The following ACTR1B variants were observed in gnomAD, a reference collection of about 807,000 sequenced individuals.
The protein encoded by ACTR1B is actin related protein 1B, also known as beta-centractin.
Under a neutral mutation model 49.4 loss-of-function variants are expected in ACTR1B, and 34 were observed. The observed-to-expected ratio is 0.69, with a 90% CI of 0.52 to 0.92. The LOEUF is 0.92. Ranked by LOEUF, ACTR1B falls within the 40% of genes least tolerant of loss-of-function variation. The pLI, the probability that ACTR1B is intolerant of heterozygous loss-of-function variation, is 0.00. For missense variants in ACTR1B, 471 were observed against 522.4 expected (o/e 0.90, Z 0.96); for synonymous variants, 207 against 207.8 (o/e 1.00, Z 0.03).
In ACTR1B at chr2:97,659,445, G is replaced by C. The variant is rs1039524480; in HGVS notation, c.222C>G (p.Pro74=). 1 of 1,613,838 alleles carries C rather than the reference G, an allele frequency of 6.2e-7. No individual in the cohort carries two copies. Among genetic ancestry groups the C allele is most frequent in the Non-Finnish European group, 8.5e-7 (1 of 1,179,990 alleles). Residue 74 remains proline (P), a synonymous_variant, in exon 4 of 11, where the codon CCC becomes CCG. Transcript: ENST00000289228. The surrounding 1 kb of genome is among the most constrained non-coding windows in gnomAD (Gnocchi z 4.0). ...EHRGLLTIRY[P]MEHGVVRDWN... is the part of the protein sequence containing the mutation. Reference sequence around the variant, plus strand: ...AGTCTCGCACCACGCCGTGCTCCATGGGGTAGCGGATGGTCAGCAGCCCCC... The same window carrying C: ...AGTCTCGCACCACGCCGTGCTCCATCGGGTAGCGGATGGTCAGCAGCCCCC...
At chr2:97,662,693 G>A (rs1329625297) in intron 1 of ACTR1B, among the ~76,000 whole-genome samples, 1 of 152,196 alleles carries the variant, frequency 6.6e-6, no homozygotes, top group African/African-American at 2.4e-5. Context: ...AACCCTCTGA[G>A]TCTGCAGCAG....
intron 1 of ACTR1B, among the ~76,000 whole-genome samples, chr2:97,662,724 C>T (rs1425502845): frequency 6.6e-6 from 1 of 152,220 alleles, no homozygotes; most frequent in African/African-American, 2.4e-5. Flanking sequence ...CTCCAAGTTA[C>T]AGAGGAGGGG....
Position 97,661,864 on chromosome 2 carries a change from T to C in ACTR1B, c.113+18A>G, listed in dbSNP as rs1273813465. ...AGGTAAACAAAAGGACTAAGGCTGC[T>C]GCCTGAGCCACACTTACTAGTTTGG... On this transcript the variant is annotated intron_variant, in intron 2 of 10. Coordinates refer to ENST00000289228, the MANE Select transcript of ACTR1B (RefSeq NM_005735.4). 1 of 1,578,396 alleles carries C rather than the reference T, an allele frequency of 6.3e-7. No homozygotes were observed. Among genetic ancestry groups the C allele is most frequent in the Non-Finnish European group, 8.6e-7 (1 of 1,159,592 alleles).
chr2:97,663,896 G>A lies in ACTR1B; in HGVS notation c.-6C>T, dbSNP rs770396516. On this transcript the variant is annotated 5_prime_UTR_variant, in exon 1 of 11. Transcript: ENST00000289228. ...ATGATGTCGTAGGACTCCATGGCCG[G>A]GCCGCGCCGGCCCTGCCCAGCAGGC... The A allele has an allele frequency of 2.0e-5, 28 of 1,396,850 alleles. No individual in the cohort carries two copies. Among genetic ancestry groups the A allele is most frequent in the Non-Finnish European group, 2.5e-5 (26 of 1,060,374 alleles). 86.5% of individuals were successfully genotyped at this position (1,396,850 alleles called of 1,614,324 possible).
chr2:97,657,916 C>A (rs754426761), intron 8 of ACTR1B, 27 bp downstream of exon 8: 6 of 1,609,766 alleles, frequency 3.7e-6, no homozygotes, highest in Non-Finnish European at 4.2e-6. Context: ...CCTCGTCTCA[C>A]CACCACCAAC....
rs1675016219 is a variant in ACTR1B at position 97,661,809 on chromosome 2, C to T, written c.113+73G>A. ...AGGGCACAAATTGTCTTCAAAGAGC[C>T]CTGTGACAGAAGGCCAATGTTCTTA... On this transcript the variant is annotated intron_variant, in intron 2 of 10. Coordinates refer to ENST00000289228, the MANE Select transcript of ACTR1B (RefSeq NM_005735.4). 4.8e-6 allele frequency: 7 copies of T among 1,462,284 alleles called. No homozygotes were observed. The Admixed American group carries it at 1.4e-4, about 29-fold the overall frequency. The allele number at this position is 1,462,284 out of a possible 1,614,324, so 90.6% of individuals were successfully genotyped here. A position where few individuals can be genotyped will look rare whatever the true frequency, so the allele number is the denominator to read the frequency against.
rs1400465751 is a variant in ACTR1B, at chr2:97,659,831, T to C, written c.190-354A>G. 2 of 336,712 alleles carry C rather than the reference T, an allele frequency of 5.9e-6. No individual in the cohort carries two copies. The highest frequency in any genetic ancestry group is 2.1e-5 in the African/African-American group (1 of 46,730). The allele number at this position is 336,712 out of a possible 1,614,324, so 20.9% of individuals were successfully genotyped here. A position where few individuals can be genotyped will look rare whatever the true frequency, so the allele number is the denominator to read the frequency against. ...CTCCCCTCTGGCCAGCGCCGGCACC[T>C]TGCAGCCGCCCAACACGGCCCCTCC... On this transcript the variant is annotated intron_variant, in intron 3 of 10. Transcript: ENST00000289228. This position sits in a 1 kb window ranked among gnomAD's most constrained non-coding sequence, Gnocchi z 4.0.
rs1674987908 is a variant in ACTR1B, at chr2:97,660,659, A to G, written c.114-13T>C. On this transcript the variant is annotated splice_polypyrimidine_tract_variant and intron_variant, in intron 2 of 10. Transcript: ENST00000289228. ...CGGCCGCCCGACACTGTTAGGACGG[A>G]TAACGTCAGCAAGGTGGGCAGGGAG... 1 of 1,613,268 alleles carries G rather than the reference A, an allele frequency of 6.2e-7. No individual in the cohort carries two copies. Among genetic ancestry groups the G allele is most frequent in the African/African-American group, 1.3e-5 (1 of 74,922 alleles).
intron 1 of ACTR1B, 42 bp downstream of exon 1, chr2:97,663,801 G>A (rs1320516056): frequency 1.5e-6 from 2 of 1,319,374 alleles, no homozygotes; most frequent in South Asian, 1.6e-5. Flanking sequence ...GTGCGCCCCC[G>A]GGGGCGGGGC....
chr2:97,657,310 T>A (rs1472812082), intron 9 of ACTR1B, 118 bp from the exon 10 acceptor site: 1 of 1,503,326 alleles, frequency 6.7e-7, no homozygotes, highest in African/African-American at 1.4e-5. Flanking sequence ...AGCTGGGGAG[T>A]GGCAGCAGCA....
chr2:97,657,699 G>C (rs1206452039), intron 8 of ACTR1B, among the ~76,000 whole-genome samples, 190 bp from the exon 9 acceptor site: 1 of 152,240 alleles, frequency 6.6e-6, no homozygotes, highest in Admixed American at 6.5e-5. Context: ...CACAGAGGCA[G>C]CGTGAGATGA....
Position 97,659,444 on chromosome 2 carries a change from T to C in ACTR1B, c.223A>G (p.Met75Val), listed in dbSNP as rs747723329. Reference sequence around the variant, plus strand: ...CAGTCTCGCACCACGCCGTGCTCCATGGGGTAGCGGATGGTCAGCAGCCCC... The same window carrying C: ...CAGTCTCGCACCACGCCGTGCTCCACGGGGTAGCGGATGGTCAGCAGCCCC... Reference protein sequence around the residue: ...HRGLLTIRYPMEHGVVRDWND... With the variant: ...HRGLLTIRYPVEHGVVRDWND... Residue 75 changes from methionine to valine, a missense_variant, in exon 4 of 11, where the codon ATG becomes GTG. Transcript: ENST00000289228. This position sits in a 1 kb window ranked among gnomAD's most constrained non-coding sequence, Gnocchi z 4.0. 4 of 1,613,926 alleles carry C rather than the reference T, an allele frequency of 2.5e-6. No homozygotes were observed. Among genetic ancestry groups the C allele is most frequent in the South Asian group, 2.2e-5 (2 of 91,070 alleles).
chr2:97,659,603 C>CT lies in ACTR1B; in HGVS notation c.190-127dup. 2 of 1,312,754 alleles carry CT rather than the reference C, an allele frequency of 1.5e-6. No homozygotes were observed. The highest frequency in any genetic ancestry group is 2.1e-6 in the Non-Finnish European group (2 of 943,440). 81.3% of individuals were successfully genotyped at this position (1,312,754 alleles called of 1,614,324 possible). On this transcript the variant is annotated intron_variant, in intron 3 of 10. Transcript: ENST00000289228. The surrounding 1 kb of genome is among the most constrained non-coding windows in gnomAD (Gnocchi z 4.0). ...CCTGCCCTGACCAGAACCACCCCTG[C>CT]TCACTGGGTGTCCCAGGGTCTGTGG...
rs558211836 is a variant in ACTR1B, at chr2:97,656,660, A to C, written c.*198T>G. On this transcript the variant is annotated 3_prime_UTR_variant, in exon 11 of 11. Coordinates refer to ENST00000289228, the MANE Select transcript of ACTR1B (RefSeq NM_005735.4). ...ACACGCCAGCTCAAGGCTCCTGTCCATGCAGCTCAATGTTACTTGTGTGTG... is the reference window on the plus strand; with the variant it reads ...ACACGCCAGCTCAAGGCTCCTGTCCCTGCAGCTCAATGTTACTTGTGTGTG... 56 of 581,304 alleles carry C rather than the reference A, an allele frequency of 9.6e-5. No homozygotes were observed. Among genetic ancestry groups the C allele is most frequent in the Non-Finnish European group, 1.5e-4 (50 of 325,770 alleles). 36.0% of individuals were successfully genotyped at this position (581,304 alleles called of 1,614,324 possible). A position where few individuals can be genotyped will look rare whatever the true frequency, so the allele number is the denominator to read the frequency against.
chr2:97,663,801 G>GGGGGC (rs1559291664), intron 1 of ACTR1B, 42 bp downstream of exon 1: 1 of 1,319,480 alleles, frequency 7.6e-7, no homozygotes, highest in Admixed American at 3.1e-5. Flanking sequence ...GTGCGCCCCC[G>GGGGGC]GGGGCGGGGC....
chr2:97,659,717 G>A lies in ACTR1B; in HGVS notation c.190-240C>T. 1 of 579,332 alleles carries A rather than the reference G, an allele frequency of 1.7e-6. No homozygotes were observed. Among genetic ancestry groups the A allele is most frequent in the South Asian group, 2.1e-5 (1 of 47,282 alleles). The allele number at this position is 579,332 out of a possible 1,614,324, so 35.9% of individuals were successfully genotyped here. On this transcript the variant is annotated intron_variant, in intron 3 of 10. Coordinates refer to ENST00000289228, the MANE Select transcript of ACTR1B (RefSeq NM_005735.4). This position sits in a 1 kb window ranked among gnomAD's most constrained non-coding sequence, Gnocchi z 4.0. ...AGCTTCAGCTGGGGGGATCAGAGAG[G>A]GTGGCAGTGTGCCCCGCAATCTGCA...
intron 2 of ACTR1B, 110 bp from the exon 3 acceptor site, chr2:97,660,756 A>C: frequency 4.8e-6 from 5 of 1,048,458 alleles, no homozygotes; most frequent in Non-Finnish European, 4.4e-6. Context: ...GCCTCCAAAC[A>C]CCAGGATGTG....
chr2:97,657,014 T>C, intron 10 of ACTR1B, 54 bp from the exon 11 acceptor site: 1 of 1,575,324 alleles, frequency 6.3e-7, no homozygotes, highest in Non-Finnish European at 8.7e-7. Context: ...GCCAACCACC[T>C]TCCTGGGTGC....
Position 97,658,968 on chromosome 2 carries a change from C to A in ACTR1B, c.351G>T (p.Pro117=), listed in dbSNP as rs900815095. ...PVLLTEAPLN[P]SKNREKAAEV... ...CTGCCGCCTTCTCCCGGTTCTTACTCGGGTTGAGCGGGGCCTCCGTGAGGA... is the reference window on the plus strand; with the variant it reads ...CTGCCGCCTTCTCCCGGTTCTTACTAGGGTTGAGCGGGGCCTCCGTGAGGA... The change falls in exon 5 of 11, where the codon CCG becomes CCT. Residue 117 remains proline (P), a synonymous_variant. Transcript: ENST00000289228. The surrounding 1 kb of genome is among the most constrained non-coding windows in gnomAD (Gnocchi z 5.9). The A allele has an allele frequency of 6.2e-7, 1 of 1,614,090 alleles. No homozygotes were observed. Among genetic ancestry groups the A allele is most frequent in the South Asian group, 1.1e-5 (1 of 91,064 alleles).
Sources: allele counts gnomAD v4.1 joint callset (sites outside exome capture counted in the v4.1 genomes callset), GRCh38; gene constraint gnomAD v4.1.1; non-coding constraint Gnocchi (gnomAD v3.1); transcripts MANE v1.5; gene names NCBI Gene and HGNC (gene_info 2026-07-23, HGNC 2026-07-21).